Variants in TYW3 observed in about 807,000 individuals in gnomAD.
TYW3 encodes tRNA wybutosine-synthesizing protein 3 homolog.
In TYW3, 26 loss-of-function variants were observed where a neutral mutation model predicts 23.1. The ratio of observed to expected loss-of-function variants is 1.13; its 90% CI spans 0.83 to 1.56. The LOEUF (loss-of-function observed/expected upper bound fraction) is 1.56. Among genes scored for constraint, TYW3 ranks in the 40% most tolerant of loss-of-function variants. The probability of loss-of-function intolerance (pLI) is 0.00; values close to 1 mark genes in which losing one functional copy is unlikely to be tolerated. For synonymous variants in TYW3, 102 were observed against 105.7 expected (o/e 0.97, Z 0.21); for missense variants, 316 against 311.9 (o/e 1.01, Z -0.10).
At chr1:74,736,156 G>A (rs1648145953) in intron 1 of TYW3, 1 of 153,348 alleles carries the variant, frequency 6.5e-6, no homozygotes, top group Admixed American at 6.5e-5. Flanking sequence ...TGTGGAATTG[G>A]GACAGTGCTG....
chr1:74,734,807 A>C (rs1417742098), intron 1 of TYW3, among the ~76,000 whole-genome samples: 1 of 152,030 alleles, frequency 6.6e-6, no homozygotes, highest in Non-Finnish European at 1.5e-5. Flanking sequence ...AAATAGGATA[A>C]TTTTTTTTGA....
chr1:74,753,034 T>G (rs1224311407), intron 5 of TYW3, among the ~76,000 whole-genome samples: 1 of 152,236 alleles, frequency 6.6e-6, no homozygotes, highest in East Asian at 1.9e-4. Context: ...ATTATTTTCT[T>G]TAACAACTTT....
chr1:74,752,185 A>G (rs1194555165), intron 4 of TYW3, 107 bp from the exon 5 acceptor site: 13 of 1,149,892 alleles, frequency 1.1e-5, no homozygotes, highest in Non-Finnish European at 1.6e-5. Flanking sequence ...AACTGTTGTA[A>G]TGGAACTAAA....
Position 74,748,762 on chromosome 1 carries a change from A to G in TYW3, c.366A>G (p.Ala122=). Residue 122 remains alanine, a synonymous_variant, in exon 4 of 6, where the codon GCA becomes GCG. Transcript: ENST00000370867. Reference sequence around the variant, plus strand: ...TTATTTTCTTACAGCATTCCATGGCAATAGATTCTGGTTTCAGGAACTCTG... The same window carrying G: ...TTATTTTCTTACAGCATTCCATGGCGATAGATTCTGGTTTCAGGAACTCTG... The part of the protein sequence containing the change: ...LQDAQILHSM[A]IDSGFRNSGI... 6.2e-7 allele frequency: 1 copy of G among 1,614,068 alleles called. No individual in the cohort carries two copies. The highest frequency in any genetic ancestry group is 8.5e-7 in the Non-Finnish European group (1 of 1,179,954).
intron 1 of TYW3, among the ~76,000 whole-genome samples, chr1:74,733,953 T>C (rs1044804524): frequency 1.3e-5 from 2 of 150,648 alleles, no homozygotes; most frequent in Admixed American, 1.3e-4. Context: ...AGTACGATCG[T>C]ATATAATTTA....
chr1:74,763,848 C>G lies in TYW3; in HGVS notation c.561-46C>G, dbSNP rs200510390. On this transcript the variant is annotated intron_variant, in intron 5 of 5. Transcript: ENST00000370867. ...AGCTCTTGGTGTATTTCAGTCATTT[C>G]GTTTCAGTACACACAGATATAATAG... is the stretch of plus-strand genomic sequence containing the variant. The G allele has an allele frequency of 6.3e-5, 92 of 1,461,840 alleles. No individual in the cohort carries two copies. In the African/African-American group the frequency reaches 1.3e-3, roughly 20 times the overall value. The allele number at this position is 1,461,840 out of a possible 1,614,324, so 90.6% of individuals were successfully genotyped here.
chr1:74,740,295 G>T (rs1434185216), intron 3 of TYW3, among the ~76,000 whole-genome samples: 1 of 152,208 alleles, frequency 6.6e-6, no homozygotes, highest in African/African-American at 2.4e-5. Context: ...TCCTCCCAGT[G>T]GGTTCGTGGT....
intron 5 of TYW3, among the ~76,000 whole-genome samples, chr1:74,753,521 A>T (rs1467394809): frequency 3.9e-5 from 6 of 152,244 alleles, no homozygotes; most frequent in Non-Finnish European, 8.8e-5. Context: ...ACCAAGGCAG[A>T]ACTGGGTTCA....
At chr1:74,749,355 G>C (rs1648697223) in intron 4 of TYW3, among the ~76,000 whole-genome samples, 1 of 152,356 alleles carries the variant, frequency 6.6e-6, no homozygotes, top group Middle Eastern at 3.4e-3. Context: ...AGTTGTGACA[G>C]ATACTATATG....
rs918320414 is a variant in TYW3, at chr1:74,764,558, G to A, written c.*445G>A. 4 of 152,892 alleles carry A rather than the reference G, an allele frequency of 2.6e-5. No individual in the cohort carries two copies. The highest frequency in any genetic ancestry group is 6.5e-5 in the Admixed American group (1 of 15,310). The allele number at this position is 152,892 out of a possible 1,614,324, so 9.5% of individuals were successfully genotyped here. A position where few individuals can be genotyped will look rare whatever the true frequency, so the allele number is the denominator to read the frequency against. ...TGGAAATTAGCATTATAGTTGATAT[G>A]CCAGAAATTATATCTTTGGTTGTGA... is the stretch of plus-strand genomic sequence containing the variant. On this transcript the variant is annotated 3_prime_UTR_variant, in exon 6 of 6. Transcript: ENST00000370867.
rs1003252137 is a variant in TYW3, at chr1:74,766,387, A to C, written c.*2274A>C. ...GCCCCTGAAGACCTTCCAGTGGTAC[A>C]AGATGTGGAGGAGGAAGACAGTGAT... On this transcript the variant is annotated 3_prime_UTR_variant, in exon 6 of 6. Coordinates refer to ENST00000370867, the MANE Select transcript of TYW3 (RefSeq NM_138467.3). 6.6e-6 allele frequency: 1 copy of C among 152,116 alleles called. No individual in the cohort carries two copies. Among genetic ancestry groups the C allele is most frequent in the Non-Finnish European group, 1.5e-5 (1 of 68,020 alleles). The allele number at this position is 152,116 out of a possible 1,614,324, so 9.4% of individuals were successfully genotyped here.
At chr1:74,754,435 T>C (rs1206272169) in intron 5 of TYW3, among the ~76,000 whole-genome samples, 2 of 152,166 alleles carry the variant, frequency 1.3e-5, no homozygotes, top group Non-Finnish European at 2.9e-5. Context: ...CATGTGAATT[T>C]AGAAAGTGAG....
At chr1:74,763,525 T>C (rs978758607) in intron 5 of TYW3, among the ~76,000 whole-genome samples, 9 of 152,144 alleles carry the variant, frequency 5.9e-5, no homozygotes, top group Admixed American at 4.6e-4. Flanking sequence ...AGAGGAGTTA[T>C]TTCTAGTTAT....
intron 4 of TYW3, 145 bp from the exon 5 acceptor site, chr1:74,752,147 C>T (rs1570072165): frequency 5.5e-6 from 4 of 731,482 alleles, no homozygotes; most frequent in South Asian, 3.8e-5. Context: ...TAACTGTGCT[C>T]AGCTAAATTC....
intron 4 of TYW3, 72 bp downstream of exon 4, chr1:74,748,894 C>G: frequency 7.5e-7 from 1 of 1,335,102 alleles, no homozygotes. Flanking sequence ...TAATTAGACT[C>G]CTGCCTTTAA....
intron 1 of TYW3, 144 bp downstream of exon 1, chr1:74,733,562 A>G: frequency 7.0e-7 from 1 of 1,436,874 alleles, no homozygotes; most frequent in African/African-American, 1.4e-5. Context: ...TGTGAAATTT[A>G]GGGGATTAGA....
intron 2 of TYW3, 89 bp downstream of exon 2, chr1:74,736,711 T>C: frequency 9.6e-7 from 1 of 1,039,120 alleles, no homozygotes. Flanking sequence ...CAAGGTAATT[T>C]ATATGCAGAG....
intron 2 of TYW3, among the ~76,000 whole-genome samples, chr1:74,737,984 C>T (rs1648209024): frequency 6.6e-6 from 1 of 152,106 alleles, no homozygotes. Flanking sequence ...AACACTGCCC[C>T]ATAGGGTCTG....
intron 1 of TYW3, 103 bp downstream of exon 1, chr1:74,733,521 T>C: frequency 6.7e-7 from 1 of 1,495,536 alleles, no homozygotes; most frequent in Non-Finnish European, 8.9e-7. Flanking sequence ...CTGTGTTTGC[T>C]CCTCTGAGGG....
Sources: allele counts gnomAD v4.1 joint callset (sites outside exome capture counted in the v4.1 genomes callset), GRCh38; gene constraint gnomAD v4.1.1; transcripts MANE v1.5; gene names NCBI Gene and HGNC (gene_info 2026-07-23, HGNC 2026-07-21).